SAXO4: variants seen among roughly 807,000 people sequenced by gnomAD.
SAXO4 encodes the protein stabilizer of axonemal microtubules 4, also known as protein phosphatase 1 regulatory subunit 32.
the SAXO4 span, chr11:61,489,040 C>T: frequency 6.6e-6 from 1 of 152,168 alleles, no homozygotes; most frequent in African/African-American, 2.4e-5. Context: ...CTGGAAGGGC[C>T]GTTTGTTGTC....
the SAXO4 span, chr11:61,482,557 C>A: frequency 6.3e-7 from 1 of 1,589,068 alleles, no homozygotes; most frequent in South Asian, 1.1e-5. Context: ...GCACAGCGGA[C>A]CTCTGAGCCA....
At chr11:61,484,255 TAATA>T in the SAXO4 span, among the ~76,000 whole-genome samples, 1 of 152,028 alleles carries the variant, frequency 6.6e-6, no homozygotes, top group Non-Finnish European at 1.5e-5. Flanking sequence ...AAAATGTAAG[TAATA>T]AATAAATTAG....
the SAXO4 span, among the ~76,000 whole-genome samples, chr11:61,483,619 G>A: frequency 2.7e-4 from 41 of 152,192 alleles, no homozygotes; most frequent in Middle Eastern, 6.8e-3. Flanking sequence ...GGGGTGGGGC[G>A]GGGGTTAGGA....
At chr11:61,485,869 C>G in the SAXO4 span, 10 of 1,613,942 alleles carry the variant, frequency 6.2e-6, no homozygotes, top group African/African-American at 1.3e-4. Context: ...ACCAGAGCCC[C>G]ATTGTCTTCC....
At chr11:61,484,860 G>T in the SAXO4 span, 8 of 1,511,062 alleles carry the variant, frequency 5.3e-6, no homozygotes, top group South Asian at 1.0e-4. Flanking sequence ...GGGCAGAGGG[G>T]CCACACCCGC....
chr11:61,485,424 G>T, the SAXO4 span: 10 of 1,604,962 alleles, frequency 6.2e-6, no homozygotes, highest in Non-Finnish European at 8.5e-6. Flanking sequence ...TGAACTCACA[G>T]CTCCCTTCCC....
chr11:61,487,136 T>A, the SAXO4 span: 1 of 1,612,922 alleles, frequency 6.2e-7, no homozygotes, highest in Non-Finnish European at 8.5e-7. Context: ...TGTCTACCCC[T>A]CTTGTGCAGG....
the SAXO4 span, chr11:61,490,649 C>A: frequency 1.4e-6 from 2 of 1,426,560 alleles, no homozygotes; most frequent in Non-Finnish European, 2.0e-6. Context: ...ATGGGCCAGC[C>A]CTGCCTCTCA....
At chr11:61,482,191 T>TG in the SAXO4 span, 152 of 856,350 alleles carry the variant, frequency 1.8e-4, no homozygotes, top group Non-Finnish European at 2.5e-4. Context: ...CTCCTGCCCG[T>TG]GGCTCTGAGC....
chr11:61,482,649 C>T, the SAXO4 span: 12 of 1,613,970 alleles, frequency 7.4e-6, no homozygotes, highest in Non-Finnish European at 9.3e-6. Context: ...TCCTCCTCAC[C>T]CTCAGGGAAC....
the SAXO4 span, chr11:61,485,240 T>C: frequency 1.3e-5 from 14 of 1,090,196 alleles, no homozygotes; most frequent in Non-Finnish European, 1.9e-5. Flanking sequence ...ACAGGCTTCC[T>C]CAGAGCACAG....
chr11:61,489,488 G>C, the SAXO4 span: 140 of 574,480 alleles, frequency 2.4e-4, 1 homozygote, highest in Non-Finnish European at 3.7e-4. Flanking sequence ...TAAGTGCCTA[G>C]AGAAGTGGAT....
the SAXO4 span, among the ~76,000 whole-genome samples, chr11:61,485,021 G>A: frequency 1.2e-4 from 19 of 152,250 alleles, no homozygotes; most frequent in South Asian, 4.2e-4. Context: ...GCGATTTAAC[G>A]CTACTCCTCT....
chr11:61,486,444 G>A, the SAXO4 span: 10 of 1,613,692 alleles, frequency 6.2e-6, no homozygotes, highest in Non-Finnish European at 8.5e-6. Context: ...GCCTGGCGGG[G>A]AGCAGTTAGA....
chr11:61,485,237 T>C, the SAXO4 span: 14,530 of 1,033,012 alleles, frequency 0.014, 139 homozygotes, highest in Non-Finnish European at 0.017. Flanking sequence ...CACACAGGCT[T>C]CCTCAGAGCA....
chr11:61,482,525 T>C, the SAXO4 span: 9 of 1,557,722 alleles, frequency 5.8e-6, no homozygotes, highest in Non-Finnish European at 7.9e-6. Flanking sequence ...TGCCCTAGGC[T>C]GGGGGTCCTG....
At chr11:61,482,736 G>A in the SAXO4 span, 1 of 1,613,982 alleles carries the variant, frequency 6.2e-7, no homozygotes, top group Non-Finnish European at 8.5e-7. Flanking sequence ...AGCATCCCCT[G>A]CCCTGGAGCA....
the SAXO4 span, chr11:61,484,931 G>C: frequency 7.6e-7 from 1 of 1,318,038 alleles, no homozygotes; most frequent in South Asian, 1.5e-5. Flanking sequence ...AGCTCAGGGT[G>C]GGCTCAGGGC....
chr11:61,486,229 G>A, the SAXO4 span: 1 of 1,093,368 alleles, frequency 9.1e-7, no homozygotes, highest in Non-Finnish European at 1.3e-6. Flanking sequence ...GCCCATTTGA[G>A]CTGAGTCCTC....
Sources: allele counts gnomAD v4.1 joint callset (sites outside exome capture counted in the v4.1 genomes callset), GRCh38; gene constraint gnomAD v4.1.1; transcripts MANE v1.5; gene names NCBI Gene and HGNC (gene_info 2026-07-23, HGNC 2026-07-21).